Variants in INTS14 observed in about 807,000 individuals in gnomAD.
The protein encoded by INTS14 is integrator complex subunit 14.
A neutral mutation model predicts 56.9 loss-of-function variants in INTS14; 27 were observed. The observed-to-expected ratio is 0.47, with a 90% CI of 0.35 to 0.65. The LOEUF (loss-of-function observed/expected upper bound fraction) is 0.65, where lower values mean the gene tolerates loss of function less well. Ranked by LOEUF, INTS14 falls within the 30% of genes least tolerant of loss-of-function variation. The probability of loss-of-function intolerance (pLI) is 0.00; values close to 1 mark genes in which losing one functional copy is unlikely to be tolerated. For missense variants in INTS14, 517 were observed against 632.2 expected, an observed-to-expected ratio of 0.82 and a Z score of 1.95; for synonymous variants, 207 against 236.2, an observed-to-expected ratio of 0.88 and a Z score of 1.13.
chr15:65,591,528 C>A, intron 9 of INTS14, 70 bp downstream of exon 9: 1 of 1,561,522 alleles, frequency 6.4e-7, no homozygotes, highest in Non-Finnish European at 8.7e-7. Flanking sequence ...TCTGACTGCA[C>A]AGTCAGAGAC....
intron 2 of INTS14, 34 bp downstream of exon 2, chr15:65,607,125 C>A (rs371517622): frequency 6.2e-7 from 1 of 1,607,874 alleles, no homozygotes. Context: ...TAAATTTAGG[C>A]CCTGTACATA....
chr15:65,598,797 CAGAT>C lies in INTS14; in HGVS notation c.605+71_605+74del, dbSNP rs1206151794. 15 of 1,195,752 alleles carry C rather than the reference CAGAT, an allele frequency of 1.3e-5. No individual in the cohort carries two copies. The East Asian group carries it at 3.3e-4, about 26-fold the overall frequency. 74.1% of individuals were successfully genotyped at this position (1,195,752 alleles called of 1,614,324 possible). A position where few individuals can be genotyped will look rare whatever the true frequency, so the allele number is the denominator to read the frequency against. The stretch of plus-strand genomic sequence containing the variant: ...AATGACACAATTAGGAACAGTAAAA[CAGAT>C]AGTCTTCCTGGATGTCAAATTATAA... On this transcript the variant is annotated intron_variant, in intron 5 of 11. Transcript: ENST00000313182.
chr15:65,598,768 A>C (rs1366540993), intron 5 of INTS14, 104 bp downstream of exon 5: 8 of 991,290 alleles, frequency 8.1e-6, no homozygotes, highest in Non-Finnish European at 1.1e-5. Flanking sequence ...CTTGGGGAAA[A>C]TGAAATGACA....
At position 65,592,586 on chromosome 15, in the gene INTS14, C is replaced by T. The variant is rs78213466; in HGVS notation, c.986+842G>A. Among the ~76,000 whole-genome samples, 716 of 152,236 alleles carry T rather than the reference C, an allele frequency of 4.7e-3. 2 individuals are homozygous for T. The highest frequency in any genetic ancestry group is 6.6e-3 in the Non-Finnish European group (450 of 68,020). ...CTAGCTGTGTGACCTTGGGCAAGTT[C>T]CACAACCTCTCTTAAGCCTGTCTCC... On this transcript the variant is annotated intron_variant, in intron 8 of 11. Transcript: ENST00000313182.
At position 65,596,425 on chromosome 15, in the gene INTS14, AAAG is replaced by A. The variant is rs376945560; in HGVS notation, c.749-603_749-601del. ...AAAACTTAAAAACAATAAAAATTATAAAGAAGAAAAAGTCACTCATTATTCATA... is the reference window on the plus strand; with the variant it reads ...AAAACTTAAAAACAATAAAAATTATAAAGAAAAAGTCACTCATTATTCATA... On this transcript the variant is annotated intron_variant, in intron 6 of 11. Coordinates refer to ENST00000313182, the MANE Select transcript of INTS14 (RefSeq NM_001394796.1). Among the ~76,000 whole-genome samples, 974 of 152,306 alleles carry A rather than the reference AAAG, an allele frequency of 6.4e-3. 9 individuals carry two copies. The highest frequency in any genetic ancestry group is 0.022 in the African/African-American group (929 of 41,558).
At chr15:65,605,680 T>C (rs1339894796) in intron 2 of INTS14, among the ~76,000 whole-genome samples, 2 of 152,204 alleles carry the variant, frequency 1.3e-5, no homozygotes, top group Non-Finnish European at 2.9e-5. Flanking sequence ...TATAGAAAGA[T>C]TAAATAACTT....
chr15:65,600,533 G>A (rs150983483), intron 3 of INTS14, among the ~76,000 whole-genome samples: 87 of 152,112 alleles, frequency 5.7e-4, no homozygotes, highest in Admixed American at 3.1e-3. Flanking sequence ...GGAGGCTGAG[G>A]TGGGAGGATC....
chr15:65,582,476 C>T (rs576016278), intron 10 of INTS14, among the ~76,000 whole-genome samples: 65 of 152,146 alleles, frequency 4.3e-4, no homozygotes, highest in African/African-American at 1.4e-3. Context: ...TAGAAAAAAA[C>T]GGGCCAGGTG....
chr15:65,581,816 C>T, intron 11 of INTS14, 138 bp downstream of exon 11: 1 of 812,170 alleles, frequency 1.2e-6, no homozygotes, highest in Non-Finnish European at 2.0e-6. Context: ...ACAGACCTAT[C>T]ACTTTTACTG....
intron 7 of INTS14, among the ~76,000 whole-genome samples, chr15:65,594,145 G>A (rs2073127300): frequency 6.6e-6 from 1 of 152,134 alleles, no homozygotes; most frequent in Non-Finnish European, 1.5e-5. Context: ...CAGGCTTAGG[G>A]CAGCACATGC....
chr15:65,608,718 C>T (rs72740740), intron 1 of INTS14, among the ~76,000 whole-genome samples: 1 of 152,308 alleles, frequency 6.6e-6, no homozygotes, highest in Non-Finnish European at 1.5e-5. Context: ...CTTACAACTT[C>T]ATAAAAATCA....
intron 2 of INTS14, among the ~76,000 whole-genome samples, chr15:65,606,252 C>CAAAAAAAAAA (rs372473798): frequency 9.6e-5 from 6 of 62,420 alleles, no homozygotes; most frequent in Non-Finnish European, 2.0e-4. Flanking sequence ...GACTCCGTCT[C>CAAAAAAAAAA]AAAAAAAAAA....
intron 9 of INTS14, among the ~76,000 whole-genome samples, chr15:65,589,052 G>A (rs16948863): frequency 2.0e-5 from 3 of 152,194 alleles, no homozygotes; most frequent in Admixed American, 6.5e-5. Context: ...AAGAACAATT[G>A]TAACAAGCCA....
intron 8 of INTS14, among the ~76,000 whole-genome samples, chr15:65,593,211 C>T (rs115855500): frequency 1.2e-3 from 176 of 151,664 alleles, no homozygotes; most frequent in African/African-American, 4.0e-3. Flanking sequence ...TGCAGTGAGC[C>T]GTGATCATGC....
rs538628197 is a variant in INTS14, at chr15:65,610,775, A to G, written c.-63+323T>C. The G allele has an allele frequency of 4.2e-5, 65 of 1,535,684 alleles. No individual in the cohort carries two copies. The African/African-American group carries it at 7.4e-4, about 17-fold the overall frequency. On this transcript the variant is annotated intron_variant, in intron 1 of 11. Coordinates refer to ENST00000313182, the MANE Select transcript of INTS14 (RefSeq NM_001394796.1). Reference sequence around the variant, plus strand: ...TCTAAAAGTCCAGACTGAAAATCACATCTGGGAGATGTATTTTTACCTTAA... The same window carrying G: ...TCTAAAAGTCCAGACTGAAAATCACGTCTGGGAGATGTATTTTTACCTTAA...
chr15:65,602,251 A>C (rs1379133628), intron 3 of INTS14, among the ~76,000 whole-genome samples: 1 of 151,054 alleles, frequency 6.6e-6, no homozygotes, highest in East Asian at 2.0e-4. Flanking sequence ...AAAAATAATA[A>C]TAAATAAAAA....
chr15:65,599,544 C>T, intron 4 of INTS14: 1 of 423,396 alleles, frequency 2.4e-6, no homozygotes, highest in Non-Finnish European at 4.2e-6. Flanking sequence ...ATGCACCCAT[C>T]AGCAGGATGG....
intron 1 of INTS14, among the ~76,000 whole-genome samples, chr15:65,609,049 A>G (rs1248852449): frequency 6.6e-6 from 1 of 152,134 alleles, no homozygotes; most frequent in Non-Finnish European, 1.5e-5. Flanking sequence ...AGGCGCGAGT[A>G]GCCAGGACTA....
intron 9 of INTS14, among the ~76,000 whole-genome samples, chr15:65,590,614 G>GT (rs2141271625): frequency 6.6e-6 from 1 of 152,216 alleles, no homozygotes; most frequent in South Asian, 2.1e-4. Context: ...CTCAACTAGG[G>GT]TATTTCTCCT....
Sources: allele counts gnomAD v4.1 joint callset (sites outside exome capture counted in the v4.1 genomes callset), GRCh38; gene constraint gnomAD v4.1.1; transcripts MANE v1.5; gene names NCBI Gene and HGNC (gene_info 2026-07-23, HGNC 2026-07-21).